UNC93B1: variants seen among roughly 807,000 people sequenced by gnomAD.
UNC93B1 encodes the protein protein unc-93 homolog B1.
In UNC93B1, 33 loss-of-function variants were observed where a neutral mutation model predicts 56.8. The observed-to-expected ratio is 0.58, with a 90% CI of 0.44 to 0.78. UNC93B1 has a LOEUF of 0.78. Among genes scored for constraint, UNC93B1 ranks in the 30% least tolerant of loss-of-function variants. The pLI is 0.00. For missense variants in UNC93B1, 673 were observed against 819.5 expected, an observed-to-expected ratio of 0.82 and a Z score of 2.18; for synonymous variants, 334 against 358.6, an observed-to-expected ratio of 0.93 and a Z score of 0.77.
intron 9 of UNC93B1, among the ~76,000 whole-genome samples, chr11:67,994,157 C>T (rs1187576873): frequency 1.3e-5 from 2 of 152,224 alleles, no homozygotes; most frequent in Non-Finnish European, 2.9e-5. Context: ...TCAGCCAGGA[C>T]TAGAGAGATC....
In UNC93B1 at chr11:67,997,735, G is replaced by A; in HGVS notation, c.846C>T (p.Ser282=). 1.2e-6 allele frequency: 2 copies of A among 1,609,758 alleles called. No homozygotes were observed. Among genetic ancestry groups the A allele is most frequent in the Non-Finnish European group, 1.7e-6 (2 of 1,179,872 alleles). The change falls in exon 7 of 11, where the codon AGC becomes AGT. Residue 282 remains serine (S), a synonymous_variant. Transcript: ENST00000227471. ...CGCTCTCCACCACAATGAGGTTTCC[G>A]CTCCGCGGGAGCGTCCGCAGAACCG... The part of the protein sequence containing the change: ...NKTVLRTLPR[S]GNLIVVESVL...
At chr11:67,994,785 C>T (rs908119655) in intron 9 of UNC93B1, among the ~76,000 whole-genome samples, 8 of 152,252 alleles carry the variant, frequency 5.3e-5, no homozygotes, top group Non-Finnish European at 7.3e-5. Flanking sequence ...GGCATGACCT[C>T]GGCTACTCCA....
chr11:67,995,837 G>C lies in UNC93B1; in HGVS notation c.1137C>G (p.Leu379=). 5.2e-6 allele frequency: 8 copies of C among 1,541,834 alleles called. No individual in the cohort carries two copies. Among genetic ancestry groups the C allele is most frequent in the Non-Finnish European group, 7.0e-6 (8 of 1,145,066 alleles). The part of the protein sequence containing the change: ...SVGLERLAYL[L]VAYSLGASAA... ...CTGAGGCGCCCAGGCTGTAAGCCAC[G>C]AGGAGGTAAGCCAGCCGCTCCAGCC... The change falls in exon 9 of 11, where the codon CTC becomes CTG. Residue 379 remains leucine, a synonymous_variant. Transcript: ENST00000227471.
chr11:67,995,890 G>T lies in UNC93B1; in HGVS notation c.1090-6C>A, dbSNP rs1168664658. On this transcript the variant is annotated splice_polypyrimidine_tract_variant and splice_region_variant and intron_variant, in intron 8 of 10. Coordinates refer to ENST00000227471, the MANE Select transcript of UNC93B1 (RefSeq NM_030930.4). ...ACCGAGCACACGCCATAGCCCTGCG[G>T]GGGGACAAGGGGTGAGTGTTGAAGT... The T allele has an allele frequency of 2.4e-4, 360 of 1,489,152 alleles. No individual in the cohort carries two copies. Among genetic ancestry groups the T allele is most frequent in the Admixed American group, 9.1e-4 (41 of 44,920 alleles). 92.2% of individuals were successfully genotyped at this position (1,489,152 alleles called of 1,614,324 possible).
chr11:67,999,050 C>A, intron 5 of UNC93B1, 123 bp downstream of exon 5: 1 of 1,445,764 alleles, frequency 6.9e-7, no homozygotes, highest in Non-Finnish European at 9.2e-7. Context: ...CATAGTGAGA[C>A]CAGGCCTCTT....
In UNC93B1 at chr11:68,003,625, G is replaced by C. The variant is rs1267645844; in HGVS notation, c.238+32C>G. 10 of 1,502,244 alleles carry C rather than the reference G, an allele frequency of 6.7e-6. No homozygotes were observed. In the East Asian group the frequency reaches 2.7e-4, roughly 41 times the overall value. 93.1% of individuals were successfully genotyped at this position (1,502,244 alleles called of 1,614,324 possible). ...TTCCCGGGCCGGGCTGGGAGCGGGC[G>C]GGGCGGCCCCGGGTCCCCGAGCGGC... is the stretch of plus-strand genomic sequence containing the variant. On this transcript the variant is annotated intron_variant, in intron 2 of 10. Transcript: ENST00000227471. The surrounding 1 kb of genome is among the most constrained non-coding windows in gnomAD (Gnocchi z 4.4).
At position 68,003,224 on chromosome 11, in the gene UNC93B1, C is replaced by G. The variant is rs373531094; in HGVS notation, c.239-49G>C. The G allele has an allele frequency of 6.5e-7, 1 of 1,542,498 alleles. No homozygotes were observed. Among genetic ancestry groups the G allele is most frequent in the African/African-American group, 1.4e-5 (1 of 71,698 alleles). On this transcript the variant is annotated intron_variant, in intron 2 of 10. Coordinates refer to ENST00000227471, the MANE Select transcript of UNC93B1 (RefSeq NM_030930.4). The surrounding 1 kb of genome is among the most constrained non-coding windows in gnomAD (Gnocchi z 4.4). Reference sequence around the variant, plus strand: ...GTGCAGGGAGCAGCCTAGCTTTGGGCGCCACCGAGCAGAAGACGGCATGCA... The same window carrying G: ...GTGCAGGGAGCAGCCTAGCTTTGGGGGCCACCGAGCAGAAGACGGCATGCA...
intron 10 of UNC93B1, 91 bp downstream of exon 10, chr11:67,993,585 G>A (rs1468337831): frequency 5.8e-6 from 5 of 868,858 alleles, no homozygotes; most frequent in Admixed American, 2.0e-5. Context: ...GGCTTGGGAA[G>A]GGGTGGCATT....
At position 68,003,985 on chromosome 11, in the gene UNC93B1, T is replaced by C; in HGVS notation, c.59A>G (p.Glu20Gly). The C allele has an allele frequency of 4.3e-6, 6 of 1,399,878 alleles. No homozygotes were observed. Among genetic ancestry groups the C allele is most frequent in the Non-Finnish European group, 5.6e-6 (6 of 1,073,894 alleles). 86.7% of individuals were successfully genotyped at this position (1,399,878 alleles called of 1,614,324 possible). Residue 20 changes from glutamate to glycine, a missense_variant, in exon 1 of 11, where the codon GAG (glutamate) becomes GGG (glycine). Coordinates refer to ENST00000227471, the MANE Select transcript of UNC93B1 (RefSeq NM_030930.4). This position sits in a 1 kb window ranked among gnomAD's most constrained non-coding sequence, Gnocchi z 4.4. ...MAGAAGPQGD[E>G]DLLGVPDGPE... Reference sequence around the variant, plus strand: ...CCCGTCCGGGACCCCGAGCAGGTCCTCGTCGCCCTGCGGCCCCGCAGCCCC... The same window carrying C: ...CCCGTCCGGGACCCCGAGCAGGTCCCCGTCGCCCTGCGGCCCCGCAGCCCC...
chr11:68,003,260 G>C lies in UNC93B1; in HGVS notation c.239-85C>G. 7.2e-7 allele frequency: 1 copy of C among 1,398,346 alleles called. No homozygotes were observed. The highest frequency in any genetic ancestry group is 9.4e-7 in the Non-Finnish European group (1 of 1,061,576). The allele number at this position is 1,398,346 out of a possible 1,614,324, so 86.6% of individuals were successfully genotyped here. ...AGAAGACGGCATGCAGGCCTCGCAG[G>C]GAGCTCCAATCACCGAAGGCATTCC... is the stretch of plus-strand genomic sequence containing the variant. On this transcript the variant is annotated intron_variant, in intron 2 of 10. Transcript: ENST00000227471. The surrounding 1 kb of genome is among the most constrained non-coding windows in gnomAD (Gnocchi z 4.4).
Position 68,003,648 on chromosome 11 carries a change from G to A in UNC93B1, c.238+9C>T, listed in dbSNP as rs1054185641. On this transcript the variant is annotated intron_variant, in intron 2 of 10. Transcript: ENST00000227471. This position sits in a 1 kb window ranked among gnomAD's most constrained non-coding sequence, Gnocchi z 4.4. ...GCGGGGCGGCCCCGGGTCCCCGAGC[G>A]GCACCTACCCAGGTAGACGCCGTAG... The A allele has an allele frequency of 1.3e-6, 2 of 1,516,094 alleles. No homozygotes were observed. Among genetic ancestry groups the A allele is most frequent in the South Asian group, 2.5e-5 (2 of 81,560 alleles). 93.9% of individuals were successfully genotyped at this position (1,516,094 alleles called of 1,614,324 possible).
chr11:68,003,639 T>C lies in UNC93B1; in HGVS notation c.238+18A>G. 1 of 1,508,476 alleles carries C rather than the reference T, an allele frequency of 6.6e-7. No homozygotes were observed. Among genetic ancestry groups the C allele is most frequent in the Non-Finnish European group, 8.8e-7 (1 of 1,134,026 alleles). The allele number at this position is 1,508,476 out of a possible 1,614,324, so 93.4% of individuals were successfully genotyped here. A position where few individuals can be genotyped will look rare whatever the true frequency, so the allele number is the denominator to read the frequency against. ...TGGGAGCGGGCGGGGCGGCCCCGGG[T>C]CCCCGAGCGGCACCTACCCAGGTAG... is the stretch of plus-strand genomic sequence containing the variant. On this transcript the variant is annotated intron_variant, in intron 2 of 10. Transcript: ENST00000227471. This position sits in a 1 kb window ranked among gnomAD's most constrained non-coding sequence, Gnocchi z 4.4.
At chr11:68,000,531 GGTGCACACCT>G (rs1208767851) in intron 3 of UNC93B1, among the ~76,000 whole-genome samples, 1 of 152,010 alleles carries the variant, frequency 6.6e-6, no homozygotes, top group East Asian at 1.9e-4. Context: ...CGGGTGTGGT[GGTGCACACCT>G]GTAATCCCAT....
At chr11:67,993,923 A>C in intron 9 of UNC93B1, 129 bp from the exon 10 acceptor site, 1 of 721,666 alleles carries the variant, frequency 1.4e-6, no homozygotes, top group East Asian at 2.7e-5. Flanking sequence ...GCGCCTAGAA[A>C]GTGCTGTGAG....
Position 68,003,436 on chromosome 11 carries a change from G to T in UNC93B1, c.238+221C>A. On this transcript the variant is annotated intron_variant, in intron 2 of 10. Transcript: ENST00000227471. The surrounding 1 kb of genome is among the most constrained non-coding windows in gnomAD (Gnocchi z 4.4). ...CGGTGGCAGGTCTGTCCGGGAGCCCGGACCCCCGTCCCCCACCCACACCGA... is the reference window on the plus strand; with the variant it reads ...CGGTGGCAGGTCTGTCCGGGAGCCCTGACCCCCGTCCCCCACCCACACCGA... The T allele has an allele frequency of 1.2e-6, 1 of 832,502 alleles. No individual in the cohort carries two copies. Among genetic ancestry groups the T allele is most frequent in the Non-Finnish European group, 1.8e-6 (1 of 569,044 alleles). 51.6% of individuals were successfully genotyped at this position (832,502 alleles called of 1,614,324 possible).
Position 67,998,593 on chromosome 11 carries a change from CG to C in UNC93B1, c.688-142del, listed in dbSNP as rs554689369. The C allele has an allele frequency of 2.2e-3, 1,729 of 770,202 alleles. 23 individuals are homozygous for C. The African/African-American group carries it at 0.024, about 11-fold the overall frequency. 47.7% of individuals were successfully genotyped at this position (770,202 alleles called of 1,614,324 possible). On this transcript the variant is annotated intron_variant, in intron 5 of 10. Transcript: ENST00000227471. ...TCTGGGAGTAGTGTGGTTACAGGGC[CG>C]CCCAATGAGGAAGACCTCCTCCTGG... is the stretch of plus-strand genomic sequence containing the variant.
chr11:68,004,077 C>A lies in UNC93B1; in HGVS notation c.-34G>T, dbSNP rs1358405101. On this transcript the variant is annotated 5_prime_UTR_variant, in exon 1 of 11. Coordinates refer to ENST00000227471, the MANE Select transcript of UNC93B1 (RefSeq NM_030930.4). ...CTACTGCGGACTCGCGGCGGTCGCCCCGGAGTCCCTGCGACCGCCCGGCCA... is the reference window on the plus strand; with the variant it reads ...CTACTGCGGACTCGCGGCGGTCGCCACGGAGTCCCTGCGACCGCCCGGCCA... The A allele has an allele frequency of 7.6e-7, 1 of 1,307,514 alleles. No individual in the cohort carries two copies. The highest frequency in any genetic ancestry group is 3.7e-5 in the Admixed American group (1 of 26,752). 81.0% of individuals were successfully genotyped at this position (1,307,514 alleles called of 1,614,324 possible). A position where few individuals can be genotyped will look rare whatever the true frequency, so the allele number is the denominator to read the frequency against.
At position 68,002,221 on chromosome 11, in the gene UNC93B1, C is replaced by CACAT. The variant is rs1554986293; in HGVS notation, c.392+800_392+801insATGT. Among the ~76,000 whole-genome samples, 4 of 151,390 alleles carry CACAT rather than the reference C, an allele frequency of 2.6e-5. No individual in the cohort carries two copies. In the South Asian group the frequency reaches 6.3e-4, roughly 24 times the overall value. ...ACACACACACACACACACACACACA[C>CACAT]GGGCACGTCCACACACGTGCTCTGG... is the stretch of plus-strand genomic sequence containing the variant. On this transcript the variant is annotated intron_variant, in intron 3 of 10. Coordinates refer to ENST00000227471, the MANE Select transcript of UNC93B1 (RefSeq NM_030930.4).
chr11:67,991,894 C>T (rs1228576819), intron 10 of UNC93B1, 37 bp from the exon 11 acceptor site: 9 of 1,522,976 alleles, frequency 5.9e-6, no homozygotes, highest in South Asian at 1.2e-5. Context: ...GACCCGCGGC[C>T]GCCTCGCCCC....
Sources: allele counts gnomAD v4.1 joint callset (sites outside exome capture counted in the v4.1 genomes callset), GRCh38; gene constraint gnomAD v4.1.1; non-coding constraint Gnocchi (gnomAD v3.1); transcripts MANE v1.5; gene names NCBI Gene and HGNC (gene_info 2026-07-23, HGNC 2026-07-21).